Variants in SLC6A6 observed in about 807,000 individuals in gnomAD.
SLC6A6 encodes the protein solute carrier family 6 member 6, also known as sodium- and chloride-dependent taurine transporter.
Under a neutral mutation model 68.8 loss-of-function variants are expected in SLC6A6, and 16 were observed. That is an observed-to-expected ratio of 0.23 (90% CI 0.16 to 0.35). SLC6A6 has a LOEUF of 0.35. Ranked by LOEUF, SLC6A6 falls within the 10% of genes least tolerant of loss-of-function variation. The pLI, the probability that SLC6A6 is intolerant of heterozygous loss-of-function variation, is 1.00. For missense variants in SLC6A6, 474 were observed against 802.8 expected, an observed-to-expected ratio of 0.59 and a Z score of 4.95; for synonymous variants, 312 against 315.4, an observed-to-expected ratio of 0.99 and a Z score of 0.12.
rs758293701 is a variant in SLC6A6 at position 14,447,625 on chromosome 3, C to T, written c.408C>T (p.Val136=). The T allele has an allele frequency of 1.5e-4, 238 of 1,614,106 alleles. 1 individual carries two copies. Among genetic ancestry groups the T allele is most frequent in the Admixed American group, 2.3e-4 (14 of 60,014 alleles). ...TTGTAATTGTGTCCCTCCTGAATGT[C>T]TACTACATCGTCATCCTGGCCTGGG... ...ASVVIVSLLN[V]YYIVILAWAT... is the part of the protein sequence containing the mutation. The change falls in exon 5 of 15, where the codon GTC becomes GTT. Residue 136 remains valine (V), a synonymous_variant. Coordinates refer to ENST00000622186, the MANE Select transcript of SLC6A6 (RefSeq NM_003043.6).
intron 2 of SLC6A6, among the ~76,000 whole-genome samples, chr3:14,440,131 C>G (rs146053958): frequency 6.6e-6 from 1 of 151,940 alleles, no homozygotes; most frequent in Non-Finnish European, 1.5e-5. Flanking sequence ...TCCTGTGCAC[C>G]CCCCCTCATT....
In SLC6A6 at chr3:14,472,611, T is replaced by C. The variant is rs111752233; in HGVS notation, c.1209+294T>C. ...AGAGGTTCTCGGAGTGGGTGGGTTA[T>C]GACAGGGACAACCAGGGTTTGTGGT... is the stretch of plus-strand genomic sequence containing the variant. On this transcript the variant is annotated intron_variant, in intron 10 of 14. Transcript: ENST00000622186. This position sits in a 1 kb window ranked among gnomAD's most constrained non-coding sequence, Gnocchi z 4.5. Among the ~76,000 whole-genome samples the C allele has an allele frequency of 2.6e-5, 4 of 152,318 alleles. No individual in the cohort carries two copies. Among genetic ancestry groups the C allele is most frequent in the African/African-American group, 9.6e-5 (4 of 41,566 alleles).
chr3:14,439,685 G>C (rs762513112), intron 2 of SLC6A6, among the ~76,000 whole-genome samples: 2 of 152,208 alleles, frequency 1.3e-5, no homozygotes, highest in Non-Finnish European at 2.9e-5. Flanking sequence ...AGCCCTTGTC[G>C]GCGGGTGCAG....
intron 5 of SLC6A6, among the ~76,000 whole-genome samples, chr3:14,451,702 C>T (rs1700254545): frequency 6.6e-6 from 1 of 152,160 alleles, no homozygotes; most frequent in South Asian, 2.1e-4. Context: ...TATACGGGGC[C>T]TCGGAGACCT....
At chr3:14,434,097 G>A (rs754036026) in intron 2 of SLC6A6, among the ~76,000 whole-genome samples, 1 of 152,186 alleles carries the variant, frequency 6.6e-6, no homozygotes, top group South Asian at 2.1e-4. Context: ...TCTGCTCTTA[G>A]AACAGTGTTC....
intron 4 of SLC6A6, among the ~76,000 whole-genome samples, chr3:14,446,804 C>G (rs1161261477): frequency 2.6e-5 from 4 of 152,208 alleles, no homozygotes; most frequent in Non-Finnish European, 5.9e-5. Flanking sequence ...CAGTCAGCAT[C>G]AAATGAATGG....
chr3:14,443,553 C>G (rs1378978784), intron 2 of SLC6A6, 71 bp from the exon 3 acceptor site: 1 of 1,098,396 alleles, frequency 9.1e-7, no homozygotes, highest in African/African-American at 1.6e-5. Context: ...GATGAGGAAG[C>G]AGAGATTGTG....
At chr3:14,443,969 G>C (rs979587557) in intron 3 of SLC6A6, 106 bp downstream of exon 3, 25 of 732,592 alleles carry the variant, frequency 3.4e-5, no homozygotes, top group Middle Eastern at 2.4e-4. Context: ...GCTTTCCCTG[G>C]CCCCCCCCCT....
At chr3:14,441,843 A>C (rs1242934589) in intron 2 of SLC6A6, among the ~76,000 whole-genome samples, 3 of 152,222 alleles carry the variant, frequency 2.0e-5, no homozygotes, top group African/African-American at 7.2e-5. Flanking sequence ...GATCCACCTA[A>C]CCCAGCAGCT....
intron 5 of SLC6A6, among the ~76,000 whole-genome samples, chr3:14,456,794 G>T (rs1700377188): frequency 6.6e-6 from 1 of 152,198 alleles, no homozygotes; most frequent in Non-Finnish European, 1.5e-5. Flanking sequence ...GTGACCTTCA[G>T]ACAGGGAGCT....
At chr3:14,420,036 C>T (rs1699452230) in intron 2 of SLC6A6, among the ~76,000 whole-genome samples, 2 of 152,204 alleles carry the variant, frequency 1.3e-5, no homozygotes, top group Non-Finnish European at 2.9e-5. Flanking sequence ...CAGAAAAGGC[C>T]ACCTCAGGCC....
At chr3:14,419,380 G>A (rs1699437154) in intron 2 of SLC6A6, among the ~76,000 whole-genome samples, 1 of 152,230 alleles carries the variant, frequency 6.6e-6, no homozygotes, top group African/African-American at 2.4e-5. Context: ...CTGACCTTCA[G>A]GTTCTCATCT....
chr3:14,441,427 G>A (rs975349640), intron 2 of SLC6A6, among the ~76,000 whole-genome samples: 2 of 152,118 alleles, frequency 1.3e-5, no homozygotes, highest in Admixed American at 6.5e-5. Context: ...GTCGAATCCC[G>A]CGCCCGGCCC....
At position 14,402,833 on chromosome 3, in the gene SLC6A6, C is replaced by T. The variant is rs1699015830; in HGVS notation, c.-68C>T. On this transcript the variant is annotated 5_prime_UTR_variant, in exon 1 of 15. Transcript: ENST00000622186. The surrounding 1 kb of genome is among the most constrained non-coding windows in gnomAD (Gnocchi z 4.8). Reference sequence around the variant, plus strand: ...ACAGCCGAGCAGAGCGCGGGCGGCGCCGCAGCCACCCCAGGTACCGGAGGG... The same window carrying T: ...ACAGCCGAGCAGAGCGCGGGCGGCGTCGCAGCCACCCCAGGTACCGGAGGG... 1 of 396,966 alleles carries T rather than the reference C, an allele frequency of 2.5e-6. No individual in the cohort carries two copies. The allele number at this position is 396,966 out of a possible 1,614,324, so 24.6% of individuals were successfully genotyped here.
intron 5 of SLC6A6, among the ~76,000 whole-genome samples, chr3:14,454,035 C>A (rs1293647478): frequency 6.6e-6 from 1 of 152,218 alleles, no homozygotes; most frequent in Non-Finnish European, 1.5e-5. Flanking sequence ...TACACCCGTT[C>A]ACCTGTGTGT....
At chr3:14,483,809 G>A (rs1192807809) in intron 14 of SLC6A6, among the ~76,000 whole-genome samples, 1 of 152,080 alleles carries the variant, frequency 6.6e-6, no homozygotes, top group Non-Finnish European at 1.5e-5. Flanking sequence ...AGCCTCCCGA[G>A]TAACTTGGAC....
intron 10 of SLC6A6, among the ~76,000 whole-genome samples, chr3:14,474,589 G>T (rs1022439466): frequency 2.6e-5 from 4 of 152,178 alleles, no homozygotes; most frequent in Admixed American, 6.5e-5. Context: ...TCCTTAAGCT[G>T]CAGTGTTGCA....
intron 1 of SLC6A6, among the ~76,000 whole-genome samples, chr3:14,412,046 A>G (rs978666833): frequency 3.3e-5 from 5 of 152,250 alleles, no homozygotes; most frequent in Non-Finnish European, 7.3e-5. Context: ...TGGCCCTGTA[A>G]GGGGTGGCCC....
intron 5 of SLC6A6, chr3:14,448,179 C>A: frequency 1.3e-6 from 1 of 766,642 alleles, no homozygotes; most frequent in South Asian, 3.3e-5. Context: ...TGTTATTGCA[C>A]AGAGAAAAAT....
Sources: gnomAD v4.1 joint callset for allele counts (sites outside exome capture counted in the v4.1 genomes callset) on GRCh38, gnomAD v4.1.1 for gene constraint, Gnocchi (gnomAD v3.1) non-coding constraint, MANE v1.5 for transcripts, NCBI Gene and HGNC (gene_info 2026-07-23, HGNC 2026-07-21) for gene names.